Variants in IQCJ observed in about 807,000 individuals in gnomAD.
The protein encoded by IQCJ is IQ domain-containing protein J.
Under a neutral mutation model 11.0 loss-of-function variants are expected in IQCJ, and 9 were observed. That is an observed-to-expected ratio of 0.82 (90% CI 0.49 to 1.43). The LOEUF (loss-of-function observed/expected upper bound fraction) is 1.43, where lower values mean the gene tolerates loss of function less well. IQCJ is among the 40% of genes most tolerant of loss of function. The pLI, the probability that IQCJ is intolerant of heterozygous loss-of-function variation, is 0.00. For synonymous variants in IQCJ, 55 were observed against 51.3 expected (o/e 1.07, Z -0.31); for missense variants, 146 against 133.2 (o/e 1.10, Z -0.47).
At chr3:159,118,797 A>G (rs917443185) in intron 1 of IQCJ, among the ~76,000 whole-genome samples, 3 of 152,192 alleles carry the variant, frequency 2.0e-5, no homozygotes, top group Non-Finnish European at 4.4e-5. Context: ...TCTTCTCCTT[A>G]TATTGGAAAC....
intron 2 of IQCJ, among the ~76,000 whole-genome samples, chr3:159,246,884 C>T (rs774340318): frequency 2.0e-5 from 3 of 152,094 alleles, no homozygotes; most frequent in African/African-American, 7.2e-5. Context: ...TATGGAGAAA[C>T]AGCATTGTGA....
chr3:159,161,276 C>T (rs1464872990), intron 1 of IQCJ, among the ~76,000 whole-genome samples: 2 of 152,158 alleles, frequency 1.3e-5, no homozygotes, highest in African/African-American at 4.8e-5. Context: ...TCTCTGATGG[C>T]CAGTGATGGT....
chr3:159,117,221 A>G (rs772037999), intron 1 of IQCJ, among the ~76,000 whole-genome samples: 7 of 152,022 alleles, frequency 4.6e-5, no homozygotes, highest in Non-Finnish European at 1.0e-4. Flanking sequence ...TCCCAAACCT[A>G]CAGATTGTTG....
intron 1 of IQCJ, among the ~76,000 whole-genome samples, chr3:159,114,377 C>G (rs1718823273): frequency 6.7e-6 from 1 of 150,024 alleles, no homozygotes; most frequent in Admixed American, 6.7e-5. Context: ...GTGGCATGAT[C>G]TCAGCTCACT....
chr3:159,086,449 T>C (rs531940573), intron 1 of IQCJ, among the ~76,000 whole-genome samples: 210 of 152,358 alleles, frequency 1.4e-3, no homozygotes, highest in Non-Finnish European at 2.4e-3. Flanking sequence ...TCCAATTCTT[T>C]GAAGAAAGTC....
chr3:159,188,451 C>G (rs1723499895), intron 1 of IQCJ, among the ~76,000 whole-genome samples: 1 of 151,990 alleles, frequency 6.6e-6, no homozygotes, highest in African/African-American at 2.4e-5. Flanking sequence ...AAAAAAACAA[C>G]AAAAATTATT....
intron 1 of IQCJ, among the ~76,000 whole-genome samples, chr3:159,110,242 A>G (rs1325164850): frequency 1.3e-5 from 2 of 152,200 alleles, no homozygotes; most frequent in African/African-American, 4.8e-5. Context: ...TATCAATAAA[A>G]TGGGGATGAA....
chr3:159,203,191 G>C (rs1055737005), intron 1 of IQCJ, among the ~76,000 whole-genome samples: 1 of 147,350 alleles, frequency 6.8e-6, no homozygotes, highest in Non-Finnish European at 1.5e-5. Context: ...ATTTAGGGAG[G>C]GAGTTTTCCC....
intron 3 of IQCJ, among the ~76,000 whole-genome samples, chr3:159,253,763 C>T (rs1014290847): frequency 3.3e-5 from 5 of 152,164 alleles, no homozygotes; most frequent in African/African-American, 1.2e-4. Flanking sequence ...GAAAAGAAAT[C>T]GCCCTAAAGA....
At chr3:159,238,413 C>T (rs764495170) in intron 1 of IQCJ, among the ~76,000 whole-genome samples, 29 of 152,086 alleles carry the variant, frequency 1.9e-4, no homozygotes, top group South Asian at 8.3e-4. Context: ...CAATAGCAGA[C>T]GATATAAAAC....
At chr3:159,121,377 T>C (rs1719373547) in intron 1 of IQCJ, among the ~76,000 whole-genome samples, 1 of 152,054 alleles carries the variant, frequency 6.6e-6, no homozygotes, top group South Asian at 2.1e-4. Context: ...TCAAGCAATT[T>C]CCCACCTCAG....
intron 1 of IQCJ, among the ~76,000 whole-genome samples, chr3:159,225,778 T>C (rs1039171495): frequency 2.0e-5 from 3 of 151,932 alleles, no homozygotes; most frequent in African/African-American, 7.3e-5. Flanking sequence ...GTGTTAGCAA[T>C]AGATACCACA....
intron 1 of IQCJ, among the ~76,000 whole-genome samples, chr3:159,238,924 A>C (rs1726749481): frequency 6.6e-6 from 1 of 152,202 alleles, no homozygotes; most frequent in South Asian, 2.1e-4. Context: ...TTTGGAATCT[A>C]ACCTGACAGC....
chr3:159,133,785 G>T (rs1386918148), intron 1 of IQCJ, among the ~76,000 whole-genome samples: 1 of 152,092 alleles, frequency 6.6e-6, no homozygotes, highest in Non-Finnish European at 1.5e-5. Context: ...CACTGTTTCT[G>T]TTAGTAGAAT....
chr3:159,162,202 T>C (rs1157910209), intron 1 of IQCJ, among the ~76,000 whole-genome samples: 1 of 152,196 alleles, frequency 6.6e-6, no homozygotes, highest in African/African-American at 2.4e-5. Context: ...CCTCTTTTAT[T>C]TCCTTGAGCA....
intron 1 of IQCJ, among the ~76,000 whole-genome samples, chr3:159,127,612 G>C (rs1719749411): frequency 6.6e-6 from 1 of 152,100 alleles, no homozygotes; most frequent in African/African-American, 2.4e-5. Context: ...GTTTATTAAG[G>C]CTCTAGAAAT....
intron 1 of IQCJ, among the ~76,000 whole-genome samples, chr3:159,243,691 T>C (rs893205921): frequency 1.3e-5 from 2 of 152,178 alleles, no homozygotes; most frequent in Non-Finnish European, 2.9e-5. Context: ...ACTCTACCAA[T>C]GGAAGCATTT....
intron 1 of IQCJ, among the ~76,000 whole-genome samples, chr3:159,081,217 C>G (rs1239522257): frequency 6.6e-6 from 1 of 152,054 alleles, no homozygotes; most frequent in African/African-American, 2.4e-5. Flanking sequence ...AATACAGAGA[C>G]AGGAAAATGA....
In IQCJ at chr3:159,259,620, A is replaced by G. The variant is rs187576280; in HGVS notation, c.156-2928A>G. Among the ~76,000 whole-genome samples, 33 of 152,354 alleles carry G rather than the reference A, an allele frequency of 2.2e-4. 1 individual carries two copies. The highest frequency in any genetic ancestry group is 2.2e-3 in the Admixed American group (33 of 15,304). ...GGTATTAAGACAGCTTAATACTGGA[A>G]CAATTTAATCTTTGAAGGTCATGTT... On this transcript the variant is annotated intron_variant, in intron 3 of 3. Coordinates refer to ENST00000397832, the MANE Select transcript of IQCJ (RefSeq NM_001042706.3).
Sources: allele counts gnomAD v4.1 joint callset (sites outside exome capture counted in the v4.1 genomes callset), GRCh38; gene constraint gnomAD v4.1.1; transcripts MANE v1.5; gene names NCBI Gene and HGNC (gene_info 2026-07-23, HGNC 2026-07-21).